ANGPT1: variants seen among roughly 807,000 people sequenced by gnomAD.
The protein encoded by ANGPT1 is angiopoietin-1.
A neutral mutation model predicts 62.2 loss-of-function variants in ANGPT1; 17 were observed. That is an observed-to-expected ratio of 0.27 (90% CI 0.19 to 0.41). ANGPT1 has a LOEUF of 0.41. ANGPT1 is among the 10% of genes least tolerant of loss of function. ANGPT1 has a pLI of 1.00. For synonymous variants in ANGPT1, 199 were observed against 198.9 expected, an observed-to-expected ratio of 1.00 and a Z score of 0.00; for missense variants, 478 against 594.9, an observed-to-expected ratio of 0.80 and a Z score of 2.04.
intron 4 of ANGPT1, among the ~76,000 whole-genome samples, chr8:107,303,742 A>G (rs1393208845): frequency 6.6e-6 from 1 of 151,836 alleles, no homozygotes; most frequent in Non-Finnish European, 1.5e-5. Context: ...GTTCTTACCT[A>G]CATTTCACAG....
intron 1 of ANGPT1, among the ~76,000 whole-genome samples, chr8:107,423,297 TGCCCGCATGGTTGCACCAG>T (rs1810941663): frequency 6.6e-6 from 1 of 152,226 alleles, no homozygotes; most frequent in Non-Finnish European, 1.5e-5. Flanking sequence ...TACTGAAGTG[TGCCCGCATGGTTGCACCAG>T]GTGCAGGGAG....
chr8:107,383,045 C>T (rs1485901126), intron 1 of ANGPT1, among the ~76,000 whole-genome samples: 6 of 152,068 alleles, frequency 3.9e-5, no homozygotes, highest in Non-Finnish European at 7.4e-5. Context: ...CACATCTGTC[C>T]ATGTCATCTG....
At chr8:107,292,523 A>G (rs749681390) in intron 6 of ANGPT1, among the ~76,000 whole-genome samples, 4 of 152,144 alleles carry the variant, frequency 2.6e-5, no homozygotes, top group Non-Finnish European at 4.4e-5. Flanking sequence ...GAGTTAATTT[A>G]GGTATTTTTT....
intron 1 of ANGPT1, among the ~76,000 whole-genome samples, chr8:107,350,555 A>G (rs1260151466): frequency 6.6e-6 from 1 of 152,166 alleles, no homozygotes; most frequent in Non-Finnish European, 1.5e-5. Flanking sequence ...GCAAAGCAAA[A>G]TAACTATTTC....
chr8:107,353,538 G>C (rs1264378302), intron 1 of ANGPT1, among the ~76,000 whole-genome samples: 1 of 152,162 alleles, frequency 6.6e-6, no homozygotes. Flanking sequence ...TTCTTTGCTG[G>C]ACTCTGTTCT....
chr8:107,375,413 A>G (rs1254302571), intron 1 of ANGPT1, among the ~76,000 whole-genome samples: 2 of 152,264 alleles, frequency 1.3e-5, no homozygotes, highest in East Asian at 3.9e-4. Context: ...AAAGAAAGCT[A>G]AATTCTACAT....
chr8:107,445,223 T>A (rs1280570276), intron 1 of ANGPT1, among the ~76,000 whole-genome samples: 1 of 152,214 alleles, frequency 6.6e-6, no homozygotes, highest in East Asian at 1.9e-4. Context: ...TTATAACATA[T>A]ATCGGATTGA....
chr8:107,384,825 A>G (rs1027094735), intron 1 of ANGPT1, among the ~76,000 whole-genome samples: 3 of 151,992 alleles, frequency 2.0e-5, no homozygotes, highest in Non-Finnish European at 2.9e-5. Context: ...TCTAGTTTCA[A>G]TCTTCTACAT....
chr8:107,420,827 A>G (rs1810878438), intron 1 of ANGPT1, among the ~76,000 whole-genome samples: 1 of 152,118 alleles, frequency 6.6e-6, no homozygotes, highest in Admixed American at 6.6e-5. Context: ...TTTTAGCTCT[A>G]AAAGTATGCC....
At chr8:107,328,346 G>C (rs1300879685) in intron 3 of ANGPT1, among the ~76,000 whole-genome samples, 2 of 151,848 alleles carry the variant, frequency 1.3e-5, no homozygotes, top group Admixed American at 1.3e-4. Flanking sequence ...AATCATATTT[G>C]TTTGGAAATT....
intron 1 of ANGPT1, among the ~76,000 whole-genome samples, chr8:107,349,031 T>C (rs1216935039): frequency 6.6e-6 from 1 of 152,108 alleles, no homozygotes; most frequent in Non-Finnish European, 1.5e-5. Context: ...TGGTGACATA[T>C]GCCCAATACA....
intron 3 of ANGPT1, among the ~76,000 whole-genome samples, chr8:107,324,209 A>ATG (rs757850400): frequency 0.23 from 33,236 of 145,440 alleles, 4,688 homozygotes; most frequent in African/African-American, 0.39. Flanking sequence ...ATATATGTAT[A>ATG]TATATATGTG....
chr8:107,346,056 A>G (rs1478031694), intron 2 of ANGPT1, among the ~76,000 whole-genome samples: 1 of 152,170 alleles, frequency 6.6e-6, no homozygotes, highest in Non-Finnish European at 1.5e-5. Context: ...CATAAAAACC[A>G]TGTGTGCACG....
At chr8:107,333,991 AGGGAG>A (rs1815492827) in intron 3 of ANGPT1, among the ~76,000 whole-genome samples, 2 of 105,650 alleles carry the variant, frequency 1.9e-5, no homozygotes, top group Non-Finnish European at 4.3e-5. Context: ...GGAGGGAGGG[AGGGAG>A]GGAAGGAAGG....
At chr8:107,253,166 C>T (rs1271857420) in intron 8 of ANGPT1, among the ~76,000 whole-genome samples, 2 of 152,176 alleles carry the variant, frequency 1.3e-5, no homozygotes, top group African/African-American at 4.8e-5. Context: ...TGGGGAACCA[C>T]AAGGTATGTC....
intron 1 of ANGPT1, among the ~76,000 whole-genome samples, chr8:107,456,438 G>C (rs1191541260): frequency 6.6e-6 from 1 of 151,994 alleles, no homozygotes; most frequent in Non-Finnish European, 1.5e-5. Context: ...TAAGCGTTTT[G>C]ACTTATCTTT....
At chr8:107,494,345 G>A (rs1813039378) in intron 1 of ANGPT1, among the ~76,000 whole-genome samples, 1 of 152,102 alleles carries the variant, frequency 6.6e-6, no homozygotes, top group African/African-American at 2.4e-5. Flanking sequence ...AAGTGACAAA[G>A]ACACAGAGGC....
intron 1 of ANGPT1, among the ~76,000 whole-genome samples, chr8:107,497,010 C>T (rs536342886): frequency 6.6e-6 from 1 of 152,120 alleles, no homozygotes; most frequent in East Asian, 1.9e-4. Context: ...AAAGAGAAAC[C>T]AAAAATGTCA....
intron 6 of ANGPT1, among the ~76,000 whole-genome samples, chr8:107,290,269 G>A (rs894796761): frequency 6.6e-6 from 1 of 151,996 alleles, no homozygotes; most frequent in African/African-American, 2.4e-5. Flanking sequence ...AGGAAGGAGA[G>A]AGGAAAGGCA....
Sources: gnomAD v4.1 joint callset for allele counts (sites outside exome capture counted in the v4.1 genomes callset) on GRCh38, gnomAD v4.1.1 for gene constraint, MANE v1.5 for transcripts, NCBI Gene and HGNC (gene_info 2026-07-23, HGNC 2026-07-21) for gene names.